GRAMD4: variants seen among roughly 807,000 people sequenced by gnomAD.
GRAMD4 encodes the protein GRAM domain containing 4.
A neutral mutation model predicts 83.9 loss-of-function variants in GRAMD4; 25 were observed. That is an observed-to-expected ratio of 0.30 (90% CI 0.22 to 0.42). The LOEUF (loss-of-function observed/expected upper bound fraction) is 0.42, where lower values mean the gene tolerates loss of function less well. Among genes scored for constraint, GRAMD4 ranks in the 10% least tolerant of loss-of-function variants. GRAMD4 has a pLI of 1.00. For synonymous variants in GRAMD4, 336 were observed against 320.9 expected (o/e 1.05, Z -0.50); for missense variants, 593 against 788.7 (o/e 0.75, Z 2.97).
chr22:46,643,848 T>C (rs1048535973), intron 3 of GRAMD4, among the ~76,000 whole-genome samples: 3 of 152,192 alleles, frequency 2.0e-5, no homozygotes, highest in Non-Finnish European at 4.4e-5. Context: ...TAATGCATGA[T>C]GTAGAGAATT....
intron 1 of GRAMD4, among the ~76,000 whole-genome samples, chr22:46,611,826 T>C (rs1309303430): frequency 1.2e-4 from 17 of 138,266 alleles, no homozygotes; most frequent in African/African-American, 4.2e-4. Flanking sequence ...CCATCTTTAC[T>C]AAAAATACAA....
intron 1 of GRAMD4, among the ~76,000 whole-genome samples, chr22:46,583,286 C>T (rs1235802466): frequency 6.6e-6 from 1 of 152,200 alleles, no homozygotes; most frequent in Non-Finnish European, 1.5e-5. Context: ...TACAGAGTTT[C>T]CCAATTATCC....
Position 46,610,814 on chromosome 22 carries a change from G to A in GRAMD4, c.-49-15937G>A, listed in dbSNP as rs940828597. 1.1e-4 allele frequency among the ~76,000 whole-genome samples: 17 copies of A among 152,314 alleles called. No individual in the cohort carries two copies. The South Asian group carries it at 3.5e-3, about 32-fold the overall frequency. ...GTTTCCACTAGAAACGCATCCCTCC[G>A]TGTGTTTCCTGTGGCTTAGTGTATT... On this transcript the variant is annotated intron_variant, in intron 1 of 1. Coordinates refer to the GRAMD4 transcript ENST00000431155.
chr22:46,641,782 G>A (rs2081978410), intron 3 of GRAMD4, among the ~76,000 whole-genome samples: 1 of 152,198 alleles, frequency 6.6e-6, no homozygotes, highest in Non-Finnish European at 1.5e-5. Flanking sequence ...TTTCATTAGA[G>A]GTTGCAGAAT....
rs1482976094 is a variant in GRAMD4, at chr22:46,672,214, CT to C, written c.1085-627del. 1.3e-5 allele frequency among the ~76,000 whole-genome samples: 2 copies of C among 152,216 alleles called. No individual in the cohort carries two copies. Among genetic ancestry groups the C allele is most frequent in the African/African-American group, 4.8e-5 (2 of 41,450 alleles). The stretch of plus-strand genomic sequence containing the variant: ...TCCTGGGGCGCAGTCAGGCCTGGCT[CT>C]TCTGAGGTCGTGTTTAGTAGGGGGA... On this transcript the variant is annotated intron_variant, in intron 13 of 18. Coordinates refer to ENST00000406902, the MANE Select transcript of GRAMD4 (RefSeq NM_015124.5). This position sits in a 1 kb window ranked among gnomAD's most constrained non-coding sequence, Gnocchi z 4.7.
intron 3 of GRAMD4, among the ~76,000 whole-genome samples, chr22:46,645,208 G>A (rs1298609739): frequency 6.6e-6 from 1 of 152,088 alleles, no homozygotes; most frequent in African/African-American, 2.4e-5. Flanking sequence ...TTGGTGAATG[G>A]AGGGATTAAT....
rs959823061 is a variant in GRAMD4 at position 46,654,145 on chromosome 22, C to A, written c.284-4042C>A. Among the ~76,000 whole-genome samples, 15 of 122,410 alleles carry A rather than the reference C, an allele frequency of 1.2e-4. No homozygotes were observed. The Admixed American group carries it at 1.3e-3, about 11-fold the overall frequency. 80.3% of individuals were successfully genotyped at this position (122,410 alleles called of 152,430 possible). A position where few individuals can be genotyped will look rare whatever the true frequency, so the allele number is the denominator to read the frequency against. On this transcript the variant is annotated intron_variant, in intron 3 of 18. Transcript: ENST00000406902. Reference sequence around the variant, plus strand: ...AAAGAGGGGCCAGGAGGCTGAGAATCGGGTCTGTTGGAGGTGGCTGGGGGG... The same window carrying A: ...AAAGAGGGGCCAGGAGGCTGAGAATAGGGTCTGTTGGAGGTGGCTGGGGGG...
intron 2 of GRAMD4, among the ~76,000 whole-genome samples, chr22:46,627,280 C>T (rs958018525): frequency 1.3e-5 from 2 of 152,202 alleles, no homozygotes; most frequent in African/African-American, 2.4e-5. Flanking sequence ...CGTTGACATG[C>T]GGATGGAGCA....
Position 46,638,085 on chromosome 22 carries a change from C to T in GRAMD4, c.283+125C>T, listed in dbSNP as rs543982639. ...CCCACGCAGGCTCCATCGCTGGACACGAGCCCTGGGCAGCTGTGGCTCCGA... is the reference window on the plus strand; with the variant it reads ...CCCACGCAGGCTCCATCGCTGGACATGAGCCCTGGGCAGCTGTGGCTCCGA... On this transcript the variant is annotated intron_variant, in intron 3 of 18. Transcript: ENST00000406902. 772 of 1,013,378 alleles carry T rather than the reference C, an allele frequency of 7.6e-4. 8 individuals carry two copies. In the South Asian group the frequency reaches 0.011, roughly 14 times the overall value. The allele number at this position is 1,013,378 out of a possible 1,614,324, so 62.8% of individuals were successfully genotyped here. A position where few individuals can be genotyped will look rare whatever the true frequency, so the allele number is the denominator to read the frequency against.
intron 1 of GRAMD4, among the ~76,000 whole-genome samples, chr22:46,595,821 A>T (rs7290187): frequency 0.55 from 83,738 of 152,184 alleles, 23,885 homozygotes; most frequent in African/African-American, 0.6. Context: ...GCCAGGGTGA[A>T]ACACGACTTG....
Position 46,673,016 on chromosome 22 carries a change from T to C in GRAMD4, c.1239+19T>C. 1 of 1,551,302 alleles carries C rather than the reference T, an allele frequency of 6.4e-7. No individual in the cohort carries two copies. The highest frequency in any genetic ancestry group is 1.9e-5 in the Admixed American group (1 of 53,164). ...ACGCAGGGTGAGCCCGGCCCCCAGC[T>C]GCGGGGATGGGGGGATGGGGGGCCA... On this transcript the variant is annotated intron_variant, in intron 14 of 18. Coordinates refer to ENST00000406902, the MANE Select transcript of GRAMD4 (RefSeq NM_015124.5).
chr22:46,637,717 C>T, intron 2 of GRAMD4, 123 bp from the exon 3 acceptor site: 2 of 957,876 alleles, frequency 2.1e-6, no homozygotes, highest in Non-Finnish European at 3.1e-6. Context: ...ACTGCAGCTG[C>T]TGGTCCCTTT....
intron 1 of GRAMD4, among the ~76,000 whole-genome samples, chr22:46,597,175 C>T (rs2081269936): frequency 6.6e-6 from 1 of 152,198 alleles, no homozygotes; most frequent in Non-Finnish European, 1.5e-5. Context: ...TTGCAGGTGC[C>T]AGGTGTAGGC....
intron 1 of GRAMD4, chr22:46,577,324 A>ACCTGGTTGCCCCGCGACCACTCTCC: frequency 5.1e-6 from 5 of 978,616 alleles, no homozygotes; most frequent in Non-Finnish European, 6.0e-6. Context: ...ACCTACCCCG[A>ACCTGGTTGCCCCGCGACCACTCTCC]CCTGGTTGCC....
Position 46,622,036 on chromosome 22 carries a change from C to T in GRAMD4, c.-50+1471C>T, listed in dbSNP as rs968134799. Reference sequence around the variant, plus strand: ...GATGACCCTGGGTTTGGGGCTGAGCCGGTGGCTGGGAGAGCAGACTGAGGA... The same window carrying T: ...GATGACCCTGGGTTTGGGGCTGAGCTGGTGGCTGGGAGAGCAGACTGAGGA... On this transcript the variant is annotated intron_variant, in intron 1 of 18. Transcript: ENST00000406902. This position sits in a 1 kb window ranked among gnomAD's most constrained non-coding sequence, Gnocchi z 4.0. Among the ~76,000 whole-genome samples, 3 of 152,170 alleles carry T rather than the reference C, an allele frequency of 2.0e-5. No individual in the cohort carries two copies. The highest frequency in any genetic ancestry group is 2.1e-4 in the South Asian group (1 of 4,832).
upstream of GRAMD4, among the ~76,000 whole-genome samples, chr22:46,616,852 C>CT (rs1555958829): frequency 4.3e-5 from 1 of 23,378 alleles, no homozygotes; most frequent in Non-Finnish European, 9.2e-5. Flanking sequence ...GTACGTTCCC[C>CT]TGTGTGTAGG....
chr22:46,583,551 T>A (rs1330341726), intron 1 of GRAMD4, among the ~76,000 whole-genome samples: 1 of 152,240 alleles, frequency 6.6e-6, no homozygotes, highest in Admixed American at 6.5e-5. Flanking sequence ...TTTTGATAAC[T>A]CTGACAGTCT....
At chr22:46,639,502 G>A (rs1457800928) in intron 3 of GRAMD4, among the ~76,000 whole-genome samples, 3 of 151,814 alleles carry the variant, frequency 2.0e-5, no homozygotes, top group Non-Finnish European at 4.4e-5. Flanking sequence ...CCCTGTGTTT[G>A]TGTGTGAGCG....
At chr22:46,584,566 C>G (rs1039580359) in intron 1 of GRAMD4, among the ~76,000 whole-genome samples, 1 of 152,094 alleles carries the variant, frequency 6.6e-6, no homozygotes, top group South Asian at 2.1e-4. Context: ...TTGTTAGTAC[C>G]GGTGTGTCTG....
Sources: allele counts gnomAD v4.1 joint callset (sites outside exome capture counted in the v4.1 genomes callset), GRCh38; gene constraint gnomAD v4.1.1; non-coding constraint Gnocchi (gnomAD v3.1); transcripts MANE v1.5; gene names NCBI Gene and HGNC (gene_info 2026-07-23, HGNC 2026-07-21).